MMS22L: variants seen among roughly 807,000 people sequenced by gnomAD.
MMS22L encodes the protein protein MMS22-like.
MMS22L carries 74 observed loss-of-function variants against 159.1 expected under a neutral mutation model. That is an observed-to-expected ratio of 0.47 (90% CI 0.39 to 0.56). The LOEUF is 0.56. Among genes scored for constraint, MMS22L ranks in the 20% least tolerant of loss-of-function variants. The probability of loss-of-function intolerance (pLI) is 0.00; values close to 1 mark genes in which losing one functional copy is unlikely to be tolerated. For synonymous variants in MMS22L, 517 were observed against 506.9 expected (o/e 1.02, Z -0.27); for missense variants, 1,351 against 1,422.1 (o/e 0.95, Z 0.80).
intron 4 of MMS22L, among the ~76,000 whole-genome samples, chr6:97,273,471 A>G (rs763934200): frequency 6.3e-4 from 96 of 152,194 alleles, no homozygotes; most frequent in Middle Eastern, 3.4e-3. Flanking sequence ...CTCTTCCCAT[A>G]TGTATGATCT....
rs895880400 is a variant in MMS22L at position 97,162,273 on chromosome 6, C to T, written c.3222-108G>A. 3 of 798,338 alleles carry T rather than the reference C, an allele frequency of 3.8e-6. No individual in the cohort carries two copies. In the Admixed American group the frequency reaches 9.0e-5, roughly 24 times the overall value. 49.5% of individuals were successfully genotyped at this position (798,338 alleles called of 1,614,324 possible). ...GCAAAATTTACCCCCCAAATTAATACAGTGCCACTTGTATAAAGTATGTAT... is the reference window on the plus strand; with the variant it reads ...GCAAAATTTACCCCCCAAATTAATATAGTGCCACTTGTATAAAGTATGTAT... On this transcript the variant is annotated intron_variant, in intron 21 of 24. Transcript: ENST00000683635.
chr6:97,231,484 C>T lies in MMS22L; in HGVS notation c.1471G>A (p.Val491Ile). ...YTIFLCILAK[V>I]VKKAMKSNGP... ...TTGCTCTTCATTGCTTTTTTAACAA[C>T]TTTTGCCAGAATACAAAGAAAAATA... The change falls in exon 13 of 25, where the codon GTT becomes ATT. Residue 491 changes from valine to isoleucine, a missense_variant. Transcript: ENST00000683635. 3 of 1,613,744 alleles carry T rather than the reference C, an allele frequency of 1.9e-6. No individual in the cohort carries two copies. The highest frequency in any genetic ancestry group is 1.7e-6 in the Non-Finnish European group (2 of 1,179,822).
intron 4 of MMS22L, among the ~76,000 whole-genome samples, chr6:97,276,937 G>A (rs536987640): frequency 1.4e-3 from 211 of 152,154 alleles, no homozygotes; most frequent in Non-Finnish European, 2.6e-3. Flanking sequence ...TCTTTGATTC[G>A]TCAGTACCTT....
intron 10 of MMS22L, among the ~76,000 whole-genome samples, chr6:97,252,180 A>G (rs1167997852): frequency 1.3e-5 from 2 of 152,132 alleles, no homozygotes; most frequent in African/African-American, 4.8e-5. Flanking sequence ...TGGCAACAAT[A>G]TATCCTAATG....
intron 14 of MMS22L, among the ~76,000 whole-genome samples, chr6:97,215,543 C>A (rs2127959975): frequency 6.6e-6 from 1 of 152,256 alleles, no homozygotes; most frequent in East Asian, 1.9e-4. Flanking sequence ...TCATCCCCTG[C>A]TCACTGAGCT....
chr6:97,255,459 TTTCA>T (rs1423321615), intron 9 of MMS22L, among the ~76,000 whole-genome samples: 1 of 152,112 alleles, frequency 6.6e-6, no homozygotes, highest in African/African-American at 2.4e-5. Context: ...ATTTTATCCT[TTTCA>T]TTGTTTTAAA....
At chr6:97,220,788 G>A (rs904775709) in intron 14 of MMS22L, among the ~76,000 whole-genome samples, 3 of 151,988 alleles carry the variant, frequency 2.0e-5, no homozygotes, top group Non-Finnish European at 4.4e-5. Flanking sequence ...AATTTCCAAT[G>A]GGTCCACTGC....
intron 14 of MMS22L, among the ~76,000 whole-genome samples, chr6:97,217,243 CATT>C (rs1349694855): frequency 6.6e-6 from 1 of 151,820 alleles, no homozygotes; most frequent in African/African-American, 2.4e-5. Context: ...ATTTTTAATT[CATT>C]ATTTATTTAT....
intron 14 of MMS22L, among the ~76,000 whole-genome samples, chr6:97,217,340 G>A (rs1809124887): frequency 6.6e-6 from 1 of 152,092 alleles, no homozygotes; most frequent in Non-Finnish European, 1.5e-5. Context: ...CCACCTCCCA[G>A]GTTCAAGCGA....
intron 22 of MMS22L, among the ~76,000 whole-genome samples, chr6:97,152,339 T>C (rs1271044759): frequency 2.0e-5 from 3 of 151,960 alleles, no homozygotes; most frequent in African/African-American, 4.8e-5. Flanking sequence ...TAGCCAAATA[T>C]GTATGCAAAA....
chr6:97,251,259 G>C (rs1234434591), intron 10 of MMS22L, among the ~76,000 whole-genome samples: 1 of 152,096 alleles, frequency 6.6e-6, no homozygotes, highest in African/African-American at 2.4e-5. Flanking sequence ...CTAATATCAA[G>C]TTTATCTAAG....
At chr6:97,223,498 C>A (rs1010934529) in intron 14 of MMS22L, among the ~76,000 whole-genome samples, 1 of 152,010 alleles carries the variant, frequency 6.6e-6, no homozygotes, top group African/African-American at 2.4e-5. Context: ...TAACAACTAT[C>A]CAAAATGTTT....
chr6:97,168,368 T>G, intron 19 of MMS22L, 128 bp from the exon 20 acceptor site: 3 of 700,218 alleles, frequency 4.3e-6, no homozygotes, highest in South Asian at 4.1e-5. Flanking sequence ...AAGAGACATA[T>G]AGTAGAAGTA....
intron 9 of MMS22L, chr6:97,260,568 T>A (rs1814354099): frequency 6.6e-6 from 1 of 152,228 alleles, no homozygotes; most frequent in South Asian, 2.1e-4. Flanking sequence ...AGTATCTTAT[T>A]CAAGGTGTTT....
At chr6:97,259,344 T>A (rs527512310) in intron 9 of MMS22L, 1 of 152,302 alleles carries the variant, frequency 6.6e-6, no homozygotes, top group East Asian at 1.9e-4. Flanking sequence ...ATTCTGAGTG[T>A]GTCTATAAAG....
intron 11 of MMS22L, among the ~76,000 whole-genome samples, chr6:97,241,012 C>A (rs1409960800): frequency 1.3e-5 from 2 of 152,154 alleles, no homozygotes; most frequent in African/African-American, 4.8e-5. Context: ...ATGCTTACAC[C>A]TTTGTGTCCT....
intron 14 of MMS22L, among the ~76,000 whole-genome samples, chr6:97,228,460 T>C (rs1050857489): frequency 4.6e-5 from 7 of 152,182 alleles, no homozygotes; most frequent in African/African-American, 1.4e-4. Flanking sequence ...ACACTACAAG[T>C]GGAAAATTGT....
In MMS22L at chr6:97,247,088, T is replaced by G. The variant is rs144493374; in HGVS notation, c.1120-398A>C. On this transcript the variant is annotated intron_variant, in intron 10 of 24. Coordinates refer to ENST00000683635, the MANE Select transcript of MMS22L (RefSeq NM_001350599.2). The stretch of plus-strand genomic sequence containing the variant: ...TTCCACTTTAATCACTAGAGCTTTT[T>G]CCTTCATTTTGTGAATAACAAACCT... 1.0e-3 allele frequency among the ~76,000 whole-genome samples: 152 copies of G among 151,906 alleles called. 1 individual carries two copies. The East Asian group carries it at 0.014, about 14-fold the overall frequency.
intron 14 of MMS22L, among the ~76,000 whole-genome samples, chr6:97,227,797 T>C (rs185196585): frequency 6.6e-6 from 1 of 152,340 alleles, no homozygotes; most frequent in African/African-American, 2.4e-5. Flanking sequence ...TACTGAGTGG[T>C]AGTATTTAAC....
Sources: allele counts gnomAD v4.1 joint callset (sites outside exome capture counted in the v4.1 genomes callset), GRCh38; gene constraint gnomAD v4.1.1; transcripts MANE v1.5; gene names NCBI Gene and HGNC (gene_info 2026-07-23, HGNC 2026-07-21).